DLGAP2: variants seen among roughly 807,000 people sequenced by gnomAD.
DLGAP2 encodes DLG associated protein 2, also known as disks large-associated protein 2.
In DLGAP2, 26 loss-of-function variants were observed where a neutral mutation model predicts 100.3. That is an observed-to-expected ratio of 0.26 (90% CI 0.19 to 0.36). DLGAP2 has a LOEUF of 0.36. DLGAP2 is among the 10% of genes least tolerant of loss of function. The pLI is 1.00. For missense variants in DLGAP2, 1,858 were observed against 1,453.2 expected (o/e 1.28, Z -4.53); for synonymous variants, 886 against 630.1 (o/e 1.41, Z -6.08).
At chr8:871,877 A>G (rs1161286262) in intron 1 of DLGAP2, among the ~76,000 whole-genome samples, 2 of 152,106 alleles carry the variant, frequency 1.3e-5, no homozygotes, top group Non-Finnish European at 2.9e-5. Flanking sequence ...AGTAATTCTT[A>G]TTAATATTTC....
At chr8:1,497,310 A>G (rs1799577436) in intron 3 of DLGAP2, among the ~76,000 whole-genome samples, 2 of 152,228 alleles carry the variant, frequency 1.3e-5, no homozygotes, top group African/African-American at 2.4e-5. Flanking sequence ...GGGATGGGAT[A>G]GCGTCCAGCC....
intron 3 of DLGAP2, among the ~76,000 whole-genome samples, chr8:1,305,345 G>C (rs1207227708): frequency 6.6e-6 from 1 of 152,188 alleles, no homozygotes; most frequent in Admixed American, 6.5e-5. Flanking sequence ...CTGAAGCTAT[G>C]ATCTTCAGCA....
At chr8:944,947 G>T (rs1417636316) in intron 2 of DLGAP2, among the ~76,000 whole-genome samples, 1 of 152,222 alleles carries the variant, frequency 6.6e-6, no homozygotes, top group Non-Finnish European at 1.5e-5. Context: ...GATCTGGTGG[G>T]TGGTAACTGA....
intron 2 of DLGAP2, among the ~76,000 whole-genome samples, chr8:1,188,559 C>G (rs1053866241): frequency 5.5e-5 from 8 of 144,384 alleles, no homozygotes; most frequent in African/African-American, 7.8e-5. Context: ...CGCCCGGGAT[C>G]TCCGTGATGT....
chr8:885,846 T>C (rs1797911812), intron 1 of DLGAP2, among the ~76,000 whole-genome samples: 1 of 152,238 alleles, frequency 6.6e-6, no homozygotes, highest in African/African-American at 2.4e-5. Flanking sequence ...ATCAGGAATA[T>C]TGGCCTGAAG....
At position 1,082,224 on chromosome 8, in the gene DLGAP2, A is replaced by G. The variant is rs148484320; in HGVS notation, c.73+174258A>G. On this transcript the variant is annotated intron_variant, in intron 2 of 14. Coordinates refer to ENST00000637795, the MANE Select transcript of DLGAP2 (RefSeq NM_001346810.2). ...GAACTCGAGTGGCAGGTGGAAAACC[A>G]TCCCCCAGTGTGTTGTGTTTGTAAT... is the stretch of plus-strand genomic sequence containing the variant. 3.0e-3 allele frequency among the ~76,000 whole-genome samples: 463 copies of G among 152,310 alleles called. 1 individual carries two copies. Among genetic ancestry groups the G allele is most frequent in the Middle Eastern group, 0.017 (5 of 294 alleles).
intron 2 of DLGAP2, among the ~76,000 whole-genome samples, chr8:1,207,406 ATTTTG>A (rs2116776680): frequency 6.6e-6 from 1 of 152,196 alleles, no homozygotes. Context: ...AAATGCCATT[ATTTTG>A]TTCCTTTTTT....
intron 8 of DLGAP2, among the ~76,000 whole-genome samples, chr8:1,661,749 G>A (rs571838674): frequency 4.6e-5 from 7 of 152,298 alleles, no homozygotes; most frequent in African/African-American, 1.7e-4. Context: ...CCTTAGAAAG[G>A]AACTCAGATA....
intron 2 of DLGAP2, among the ~76,000 whole-genome samples, chr8:1,092,331 G>T (rs1804212612): frequency 6.6e-6 from 1 of 152,242 alleles, no homozygotes; most frequent in Admixed American, 6.5e-5. Context: ...TGCAATATGT[G>T]TGCTTGGTGG....
intron 2 of DLGAP2, among the ~76,000 whole-genome samples, chr8:1,242,638 T>C (rs1384577848): frequency 6.6e-6 from 1 of 152,198 alleles, no homozygotes; most frequent in Non-Finnish European, 1.5e-5. Context: ...TGACCTTGTA[T>C]GTTTGTTCTT....
At chr8:1,263,976 G>C (rs1448935957) in intron 3 of DLGAP2, among the ~76,000 whole-genome samples, 1 of 152,148 alleles carries the variant, frequency 6.6e-6, no homozygotes, top group South Asian at 2.1e-4. Flanking sequence ...TGTCTTCTAG[G>C]ACCTGAACAT....
At chr8:1,480,634 G>C (rs888590593) in intron 3 of DLGAP2, among the ~76,000 whole-genome samples, 1 of 138,888 alleles carries the variant, frequency 7.2e-6, no homozygotes, top group Non-Finnish European at 1.6e-5. Context: ...CGGATCACCT[G>C]AGGTCAGGAG....
intron 3 of DLGAP2, among the ~76,000 whole-genome samples, chr8:1,317,877 G>C (rs552952040): frequency 2.9e-5 from 4 of 139,186 alleles, no homozygotes; most frequent in Admixed American, 7.2e-5. Flanking sequence ...AAAATAGAGC[G>C]TGTGTGAGTG....
chr8:869,244 A>G (rs1401754452), intron 1 of DLGAP2, among the ~76,000 whole-genome samples: 2 of 152,182 alleles, frequency 1.3e-5, no homozygotes, highest in Non-Finnish European at 2.9e-5. Context: ...GCTGGAAGTC[A>G]CAGTGTGGAT....
chr8:1,382,307 G>A (rs751813309), intron 3 of DLGAP2, among the ~76,000 whole-genome samples: 1 of 152,246 alleles, frequency 6.6e-6, no homozygotes, highest in Non-Finnish European at 1.5e-5. Flanking sequence ...ACGTTGAGTG[G>A]GCTCAGGAGG....
intron 2 of DLGAP2, among the ~76,000 whole-genome samples, chr8:1,147,573 C>T (rs2129051186): frequency 6.6e-6 from 1 of 151,316 alleles, no homozygotes; most frequent in Admixed American, 6.6e-5. Flanking sequence ...GTCTCTGTCA[C>T]CCAGGCTGGA....
rs531465401 is a variant in DLGAP2 at position 1,103,383 on chromosome 8, C to G, written c.74-155468C>G. Among the ~76,000 whole-genome samples, 5 of 151,700 alleles carry G rather than the reference C, an allele frequency of 3.3e-5. No individual in the cohort carries two copies. The South Asian group carries it at 1.0e-3, about 32-fold the overall frequency. On this transcript the variant is annotated intron_variant, in intron 2 of 14. Coordinates refer to ENST00000637795, the MANE Select transcript of DLGAP2 (RefSeq NM_001346810.2). ...TGATGACTGACGGGGACTTGGTTAA[C>G]GGTGACGACTGGCAGGGCCTTGTTT...
At chr8:1,556,023 A>G (rs1248807374) in intron 5 of DLGAP2, among the ~76,000 whole-genome samples, 2 of 152,184 alleles carry the variant, frequency 1.3e-5, no homozygotes, top group Non-Finnish European at 1.5e-5. Flanking sequence ...ACCAGGGGAG[A>G]ATGACATGGC....
At chr8:1,453,330 T>C (rs965597950) in intron 3 of DLGAP2, among the ~76,000 whole-genome samples, 1 of 152,064 alleles carries the variant, frequency 6.6e-6, no homozygotes, top group African/African-American at 2.4e-5. Context: ...AAAAAGTATT[T>C]TTCCTTCATC....
Sources: gnomAD v4.1 joint callset for allele counts (sites outside exome capture counted in the v4.1 genomes callset) on GRCh38, gnomAD v4.1.1 for gene constraint, MANE v1.5 for transcripts, NCBI Gene and HGNC (gene_info 2026-07-23, HGNC 2026-07-21) for gene names.